KIRREL3: variants seen among roughly 807,000 people sequenced by gnomAD.
KIRREL3 encodes kin of IRRE-like protein 3.
A neutral mutation model predicts 89.7 loss-of-function variants in KIRREL3; 36 were observed. The observed-to-expected ratio is 0.40, with a 90% confidence interval of 0.31 to 0.53. The LOEUF (loss-of-function observed/expected upper bound fraction) is 0.53, where lower values mean the gene tolerates loss of function less well. KIRREL3 is among the 20% of genes least tolerant of loss of function. KIRREL3 has a pLI of 0.49. For synonymous variants in KIRREL3, 445 were observed against 441.4 expected (o/e 1.01, Z -0.10); for missense variants, 864 against 1,056.6 (o/e 0.82, Z 2.53).
rs1339920398 is a variant in KIRREL3 at position 126,909,433 on chromosome 11, C to A, written c.55+91022G>T. ...GCACGGTGCCCAGCTCCCAGCATAC[C>A]CACAGAGTGAGAGCCATGCCTATTC... On this transcript the variant is annotated intron_variant, in intron 1 of 16. Transcript: ENST00000525144. The surrounding 1 kb of genome is among the most constrained non-coding windows in gnomAD (Gnocchi z 4.5). Among the ~76,000 whole-genome samples the A allele has an allele frequency of 3.3e-5, 5 of 152,206 alleles. No individual in the cohort carries two copies. The highest frequency in any genetic ancestry group is 1.2e-4 in the African/African-American group (5 of 41,450).
At chr11:126,928,196 G>A (rs780190316) in intron 1 of KIRREL3, among the ~76,000 whole-genome samples, 1 of 152,220 alleles carries the variant, frequency 6.6e-6, no homozygotes, top group Non-Finnish European at 1.5e-5. Context: ...TTGAGGATGT[G>A]CAGGAGTTTG....
rs1462417971 is a variant in KIRREL3, at chr11:126,526,373, C to A, written c.283+165G>T. On this transcript the variant is annotated intron_variant, in intron 3 of 16. Coordinates refer to ENST00000525144, the MANE Select transcript of KIRREL3 (RefSeq NM_032531.4). The surrounding 1 kb of genome is among the most constrained non-coding windows in gnomAD (Gnocchi z 5.7). Reference sequence around the variant, plus strand: ...CAGGGGCCCTCAGAGTCTAGGGATGCTGGGTGCAGTGCTTGCCTAGCCTGA... The same window carrying A: ...CAGGGGCCCTCAGAGTCTAGGGATGATGGGTGCAGTGCTTGCCTAGCCTGA... Among the ~76,000 whole-genome samples the A allele has an allele frequency of 1.3e-5, 2 of 152,174 alleles. No individual in the cohort carries two copies.
At chr11:126,494,052 T>A (rs1893000) in intron 4 of KIRREL3, among the ~76,000 whole-genome samples, 1 of 152,130 alleles carries the variant, frequency 6.6e-6, no homozygotes, top group South Asian at 2.1e-4. Flanking sequence ...CAAATCAGAA[T>A]GAATGTAAAA....
rs1181093156 is a variant in KIRREL3 at position 126,624,896 on chromosome 11, T to C, written c.56-61984A>G. The stretch of plus-strand genomic sequence containing the variant: ...TCTCCAGACCTACCATCAGTAAGGA[T>C]GGTGGAAATTGGGGTGGGGCAGGGA... On this transcript the variant is annotated intron_variant, in intron 1 of 16. Coordinates refer to ENST00000525144, the MANE Select transcript of KIRREL3 (RefSeq NM_032531.4). The surrounding 1 kb of genome is among the most constrained non-coding windows in gnomAD (Gnocchi z 6.0). Among the ~76,000 whole-genome samples, 1 of 152,012 alleles carries C rather than the reference T, an allele frequency of 6.6e-6. No homozygotes were observed. The highest frequency in any genetic ancestry group is 1.5e-5 in the Non-Finnish European group (1 of 67,998).
At chr11:126,760,996 C>A (rs1949651304) in intron 1 of KIRREL3, among the ~76,000 whole-genome samples, 1 of 152,168 alleles carries the variant, frequency 6.6e-6, no homozygotes, top group Non-Finnish European at 1.5e-5. Context: ...CCCTCCAGGA[C>A]AGATACCGTT....
intron 1 of KIRREL3, among the ~76,000 whole-genome samples, chr11:126,733,185 G>A (rs534706145): frequency 1.3e-5 from 2 of 152,242 alleles, no homozygotes; most frequent in African/African-American, 4.8e-5. Flanking sequence ...ACTTTTCAGA[G>A]CCTTTAAGGC....
intron 1 of KIRREL3, among the ~76,000 whole-genome samples, chr11:126,824,430 G>A (rs1416475099): frequency 6.6e-6 from 1 of 152,232 alleles, no homozygotes; most frequent in African/African-American, 2.4e-5. Context: ...CAAGTTCAGG[G>A]AGGGTAAACA....
At chr11:126,735,298 G>A (rs1056016276) in intron 1 of KIRREL3, among the ~76,000 whole-genome samples, 4 of 152,174 alleles carry the variant, frequency 2.6e-5, no homozygotes, top group South Asian at 2.1e-4. Context: ...TGACGAGTAC[G>A]GGAAGGAATA....
At chr11:126,595,418 G>A (rs1024860006) in intron 1 of KIRREL3, among the ~76,000 whole-genome samples, 1 of 152,246 alleles carries the variant, frequency 6.6e-6, no homozygotes, top group African/African-American at 2.4e-5. Flanking sequence ...GCTCTGTGTG[G>A]CTCCTGTCTT....
At position 126,558,406 on chromosome 11, in the gene KIRREL3, G is replaced by A. The variant is rs113130283; in HGVS notation, c.133+4429C>T. Among the ~76,000 whole-genome samples the A allele has an allele frequency of 2.3e-3, 354 of 152,216 alleles. No homozygotes were observed. The highest frequency in any genetic ancestry group is 8.1e-3 in the African/African-American group (335 of 41,518). On this transcript the variant is annotated intron_variant, in intron 2 of 16. Coordinates refer to ENST00000525144, the MANE Select transcript of KIRREL3 (RefSeq NM_032531.4). The surrounding 1 kb of genome is among the most constrained non-coding windows in gnomAD (Gnocchi z 4.0). ...CACTTCCTCTCTTTCCAGCCACCCT[G>A]AAAAATGAAACCAAGCTGAAGTGTT... is the stretch of plus-strand genomic sequence containing the variant.
chr11:126,769,991 T>C lies in KIRREL3; in HGVS notation c.56-207079A>G, dbSNP rs938912332. Among the ~76,000 whole-genome samples, 1 of 152,164 alleles carries C rather than the reference T, an allele frequency of 6.6e-6. No individual in the cohort carries two copies. The highest frequency in any genetic ancestry group is 1.5e-5 in the Non-Finnish European group (1 of 68,030). On this transcript the variant is annotated intron_variant, in intron 1 of 16. Coordinates refer to ENST00000525144, the MANE Select transcript of KIRREL3 (RefSeq NM_032531.4). The surrounding 1 kb of genome is among the most constrained non-coding windows in gnomAD (Gnocchi z 4.3). ...TAGTTGTTTTTCCCAGATCCCTGTA[T>C]GGGCGGATGTGCAGATCCCATTAAA... is the stretch of plus-strand genomic sequence containing the variant.
At chr11:126,998,266 T>C (rs1208352095) in intron 1 of KIRREL3, among the ~76,000 whole-genome samples, 2 of 152,188 alleles carry the variant, frequency 1.3e-5, no homozygotes, top group Admixed American at 1.3e-4. Context: ...AAGATAACCA[T>C]ATCACATTGC....
chr11:126,507,953 A>C (rs1958080565), intron 4 of KIRREL3, among the ~76,000 whole-genome samples: 1 of 152,196 alleles, frequency 6.6e-6, no homozygotes. Context: ...GCATCTTTAA[A>C]ATGAGTTCTC....
At position 126,562,784 on chromosome 11, in the gene KIRREL3, A is replaced by G. The variant is rs2134587104; in HGVS notation, c.133+51T>C. On this transcript the variant is annotated intron_variant, in intron 2 of 16. Coordinates refer to ENST00000525144, the MANE Select transcript of KIRREL3 (RefSeq NM_032531.4). The surrounding 1 kb of genome is among the most constrained non-coding windows in gnomAD (Gnocchi z 4.7). ...CCTCTGTCCTGTGGCTGTAGGGGAG[A>G]GCTTCCTCCCTCCAGATTACTCCCG... 6.9e-7 allele frequency: 1 copy of G among 1,457,550 alleles called. No individual in the cohort carries two copies. The highest frequency in any genetic ancestry group is 1.7e-5 in the Admixed American group (1 of 59,636). 90.3% of individuals were successfully genotyped at this position (1,457,550 alleles called of 1,614,324 possible).
In KIRREL3 at chr11:126,940,193, G is replaced by T. The variant is rs1322880673; in HGVS notation, c.55+60262C>A. ...ACAAACAGCCTGCTCTCAAAGGATT[G>T]TCAAACGTGCAACAAATCAGTGTTC... is the stretch of plus-strand genomic sequence containing the variant. On this transcript the variant is annotated intron_variant, in intron 1 of 16. Transcript: ENST00000525144. The surrounding 1 kb of genome is among the most constrained non-coding windows in gnomAD (Gnocchi z 4.6). Among the ~76,000 whole-genome samples the T allele has an allele frequency of 6.6e-6, 1 of 152,182 alleles. No individual in the cohort carries two copies. The highest frequency in any genetic ancestry group is 1.5e-5 in the Non-Finnish European group (1 of 68,032).
Position 126,763,065 on chromosome 11 carries a change from T to C in KIRREL3, c.56-200153A>G, listed in dbSNP as rs1949712800. ...TAACTAGGTAGGTAGAGAGGGGCTA[T>C]GCCCAGGAGTATTGCCCCAACTTCC... is the stretch of plus-strand genomic sequence containing the variant. On this transcript the variant is annotated intron_variant, in intron 1 of 16. Coordinates refer to ENST00000525144, the MANE Select transcript of KIRREL3 (RefSeq NM_032531.4). The surrounding 1 kb of genome is among the most constrained non-coding windows in gnomAD (Gnocchi z 4.7). Among the ~76,000 whole-genome samples, 1 of 152,196 alleles carries C rather than the reference T, an allele frequency of 6.6e-6. No homozygotes were observed. The highest frequency in any genetic ancestry group is 2.1e-4 in the South Asian group (1 of 4,834).
rs752586091 is a variant in KIRREL3 at position 126,976,727 on chromosome 11, T to C, written c.55+23728A>G. ...GATAATATGCTGTACTTGCAGCGTATCATTTAATCTACTTAACAAATCTAT... is the reference window on the plus strand; with the variant it reads ...GATAATATGCTGTACTTGCAGCGTACCATTTAATCTACTTAACAAATCTAT... On this transcript the variant is annotated intron_variant, in intron 1 of 16. Coordinates refer to ENST00000525144, the MANE Select transcript of KIRREL3 (RefSeq NM_032531.4). This position sits in a 1 kb window ranked among gnomAD's most constrained non-coding sequence, Gnocchi z 4.2. Among the ~76,000 whole-genome samples, 12 of 152,326 alleles carry C rather than the reference T, an allele frequency of 7.9e-5. No individual in the cohort carries two copies. The highest frequency in any genetic ancestry group is 1.8e-4 in the Non-Finnish European group (12 of 68,038).
At chr11:126,695,488 T>A (rs1021175235) in intron 1 of KIRREL3, among the ~76,000 whole-genome samples, 1 of 150,574 alleles carries the variant, frequency 6.6e-6, no homozygotes, top group African/African-American at 2.4e-5. Flanking sequence ...TTGGCATTAG[T>A]CCCTGCCACA....
chr11:126,554,429 C>A (rs1229768054), intron 2 of KIRREL3, among the ~76,000 whole-genome samples: 1 of 152,154 alleles, frequency 6.6e-6, no homozygotes, highest in Non-Finnish European at 1.5e-5. Flanking sequence ...TTCTGGGGAC[C>A]AAGACAAGTG....
Sources: allele counts gnomAD v4.1 joint callset (sites outside exome capture counted in the v4.1 genomes callset), GRCh38; gene constraint gnomAD v4.1.1; non-coding constraint Gnocchi (gnomAD v3.1); transcripts MANE v1.5; gene names NCBI Gene and HGNC (gene_info 2026-07-23, HGNC 2026-07-21).